ATAD3C: variants seen among roughly 807,000 people sequenced by gnomAD.
ATAD3C encodes ATPase family AAA domain containing 3C.
A neutral mutation model predicts 46.3 loss-of-function variants in ATAD3C; 38 were observed. The observed-to-expected ratio is 0.82, with a 90% CI of 0.63 to 1.08. The LOEUF (loss-of-function observed/expected upper bound fraction) is 1.08, where lower values mean the gene tolerates loss of function less well. Ranked by LOEUF, ATAD3C falls within the 50% of genes least tolerant of loss-of-function variation. The pLI is 0.00. For synonymous variants in ATAD3C, 220 were observed against 236.4 expected (o/e 0.93, Z 0.63); for missense variants, 563 against 572.7 (o/e 0.98, Z 0.17).
At position 1,462,848 on chromosome 1, in the gene ATAD3C, G is replaced by A; in HGVS notation, c.1089+140G>A. 9.2e-7 allele frequency: 1 copy of A among 1,090,886 alleles called. No individual in the cohort carries two copies. Among genetic ancestry groups the A allele is most frequent in the Non-Finnish European group, 1.3e-6 (1 of 769,106 alleles). 67.6% of individuals were successfully genotyped at this position (1,090,886 alleles called of 1,614,324 possible). A position where few individuals can be genotyped will look rare whatever the true frequency, so the allele number is the denominator to read the frequency against. ...TTTCAGTGCACAGATGTGACACGGG[G>A]CCCCTGCCCCAGTTGGGCCACTCCA... On this transcript the variant is annotated intron_variant, in intron 11 of 11. Coordinates refer to ENST00000378785, the MANE Select transcript of ATAD3C (RefSeq NM_001039211.3). The surrounding 1 kb of genome is among the most constrained non-coding windows in gnomAD (Gnocchi z 4.5).
At chr1:1,457,922 T>C (rs11488466) in intron 8 of ATAD3C, among the ~76,000 whole-genome samples, 24,244 of 151,412 alleles carry the variant, frequency 0.16, 4,795 homozygotes, top group East Asian at 0.46. Context: ...GTAATGCCCC[T>C]GCCTCAGCCT....
intron 1 of ATAD3C, 48 bp from the exon 2 acceptor site, chr1:1,451,997 AT>A: frequency 6.2e-7 from 1 of 1,607,030 alleles, no homozygotes; most frequent in African/African-American, 1.3e-5. Flanking sequence ...GGTGTTGAGC[AT>A]TTTTCTGGTT....
intron 1 of ATAD3C, among the ~76,000 whole-genome samples, 169 bp from the exon 2 acceptor site, chr1:1,451,877 G>T (rs368507723): frequency 1.3e-5 from 2 of 151,988 alleles, no homozygotes; most frequent in South Asian, 4.2e-4. Flanking sequence ...AGTGACTGCC[G>T]TCCCGGCCGA....
In ATAD3C at chr1:1,464,597, C is replaced by A. The variant is rs529595213; in HGVS notation, c.1089+1889C>A. On this transcript the variant is annotated intron_variant, in intron 11 of 11. Coordinates refer to ENST00000378785, the MANE Select transcript of ATAD3C (RefSeq NM_001039211.3). Reference sequence around the variant, plus strand: ...ACCAGCCTGGCCAACATGGTGAAACCCCGTCTCTACTAAAAATACGAAACT... The same window carrying A: ...ACCAGCCTGGCCAACATGGTGAAACACCGTCTCTACTAAAAATACGAAACT... Among the ~76,000 whole-genome samples the A allele has an allele frequency of 2.0e-5, 3 of 151,894 alleles. No individual in the cohort carries two copies. The South Asian group carries it at 6.3e-4, about 32-fold the overall frequency.
chr1:1,465,185 G>A (rs572914769), intron 11 of ATAD3C, among the ~76,000 whole-genome samples: 23 of 151,680 alleles, frequency 1.5e-4, no homozygotes, highest in African/African-American at 4.3e-4. Context: ...CACGGAGCCC[G>A]GTCAGTTTTC....
At chr1:1,451,817 G>T (rs1214306078) in intron 1 of ATAD3C, among the ~76,000 whole-genome samples, 4 of 152,054 alleles carry the variant, frequency 2.6e-5, no homozygotes, top group Non-Finnish European at 5.9e-5. Flanking sequence ...AAGCCACAGT[G>T]GGGGCTGTTT....
At chr1:1,466,535 CAAAA>C (rs35433084) in intron 11 of ATAD3C, among the ~76,000 whole-genome samples, 102 of 70,316 alleles carry the variant, frequency 1.5e-3, no homozygotes, top group African/African-American at 4.8e-3. Context: ...GATGTCATCT[CAAAA>C]AAAAAAAAAA....
chr1:1,464,971 C>T (rs1301810226), intron 11 of ATAD3C, among the ~76,000 whole-genome samples: 6 of 151,532 alleles, frequency 4.0e-5, no homozygotes, highest in Non-Finnish European at 7.4e-5. Flanking sequence ...CTGCAACCTC[C>T]GCCTCCCGGG....
rs752809298 is a variant in ATAD3C, at chr1:1,458,052, C to G, written c.741+872C>G. Among the ~76,000 whole-genome samples the G allele has an allele frequency of 3.3e-5, 5 of 152,030 alleles. No individual in the cohort carries two copies. In the East Asian group the frequency reaches 9.6e-4, roughly 29 times the overall value. On this transcript the variant is annotated intron_variant, in intron 8 of 11. Transcript: ENST00000378785. ...GGCTTGCAGTGGCGCAATCTTGGCTCGCTGCAACCTCCGCCTCCTGGGTTC... is the reference window on the plus strand; with the variant it reads ...GGCTTGCAGTGGCGCAATCTTGGCTGGCTGCAACCTCCGCCTCCTGGGTTC...
rs899906649 is a variant in ATAD3C at position 1,452,577 on chromosome 1, T to C, written c.222+143T>C. 10 of 1,375,564 alleles carry C rather than the reference T, an allele frequency of 7.3e-6. No homozygotes were observed. In the African/African-American group the frequency reaches 1.4e-4, roughly 20 times the overall value. The allele number at this position is 1,375,564 out of a possible 1,614,324, so 85.2% of individuals were successfully genotyped here. A position where few individuals can be genotyped will look rare whatever the true frequency, so the allele number is the denominator to read the frequency against. The stretch of plus-strand genomic sequence containing the variant: ...TGGAACAAGCCCAAACTGGACCTGC[T>C]GGTGGGAGCCGCTCCTCCCTCCTTG... On this transcript the variant is annotated intron_variant, in intron 3 of 11. Transcript: ENST00000378785.
chr1:1,461,143 G>A (rs142951385), intron 10 of ATAD3C, among the ~76,000 whole-genome samples: 22 of 152,066 alleles, frequency 1.4e-4, no homozygotes, highest in Non-Finnish European at 2.6e-4. Context: ...GCCTGGTGGC[G>A]TGTCTTCTGG....
Position 1,457,160 on chromosome 1 carries a change from T to C in ATAD3C, c.721T>C (p.Phe241Leu). The part of the protein sequence containing the change: ...LLLFVDEADA[F>L]LRKRATEKIS... ...GCTCTTTGTGGATGAAGCGGACGCC[T>C]TCCTTCGGAAGCGAGCCACTGTGAG... The change falls in exon 8 of 12, where the codon TTC becomes CTC. Residue 241 changes from phenylalanine (F) to leucine (L), a missense_variant. By Grantham distance (22) the Phe-to-Leu change is conservative. Coordinates refer to ENST00000378785, the MANE Select transcript of ATAD3C (RefSeq NM_001039211.3). 6.2e-7 allele frequency: 1 copy of C among 1,613,468 alleles called. No homozygotes were observed. The highest frequency in any genetic ancestry group is 2.2e-5 in the East Asian group (1 of 44,876).
At chr1:1,457,098 T>C (rs1638974865) in intron 7 of ATAD3C, 31 bp from the exon 8 acceptor site, 1 of 1,612,606 alleles carries the variant, frequency 6.2e-7, no homozygotes. Flanking sequence ...GGCATCACTC[T>C]CACCCAGCTT....
chr1:1,464,873 A>G (rs1639122412), intron 11 of ATAD3C, among the ~76,000 whole-genome samples: 1 of 151,896 alleles, frequency 6.6e-6, no homozygotes, highest in Non-Finnish European at 1.5e-5. Context: ...TCTCTCAGCA[A>G]TATTGTGTGG....
rs869128031 is a variant in ATAD3C, at chr1:1,469,677, GTT to G, written c.*1162_*1163del. 13 of 130,116 alleles carry G rather than the reference GTT, an allele frequency of 1.0e-4. No individual in the cohort carries two copies. Among genetic ancestry groups the G allele is most frequent in the Non-Finnish European group, 1.3e-4 (8 of 60,414 alleles). 8.1% of individuals were successfully genotyped at this position (130,116 alleles called of 1,614,324 possible). Reference sequence around the variant, plus strand: ...AGGCTTGAGCCACCGTGCCTGGTCTGTTTTTTTTTTTTTTTTGGCAATAGAGT... The same window carrying G: ...AGGCTTGAGCCACCGTGCCTGGTCTGTTTTTTTTTTTTTTGGCAATAGAGT... On this transcript the variant is annotated 3_prime_UTR_variant, in exon 12 of 12. Transcript: ENST00000378785.
At position 1,460,857 on chromosome 1, in the gene ATAD3C, C is replaced by T. The variant is rs760453648; in HGVS notation, c.920C>T (p.Ala307Val). The T allele has an allele frequency of 1.8e-5, 29 of 1,612,988 alleles. 1 individual carries two copies. The highest frequency in any genetic ancestry group is 1.6e-4 in the Middle Eastern group (1 of 6,076). Reference sequence around the variant, plus strand: ...GACCTGCCAGGGCAGGAGGAGCGGGCGCGCCTGGTGAGAATGTATCTTAAC... The same window carrying T: ...GACCTGCCAGGGCAGGAGGAGCGGGTGCGCCTGGTGAGAATGTATCTTAAC... ...HFDLPGQEER[A>V]RLVRMYLNEY... Residue 307 changes from alanine to valine, a missense_variant, in exon 10 of 12, where the codon GCG (alanine) becomes GTG (valine). Ala to Val is a moderately conservative substitution (Grantham distance 64, BLOSUM62 0). Transcript: ENST00000378785.
rs144921285 is a variant in ATAD3C, at chr1:1,462,137, C to G, written c.981-463C>G. Among the ~76,000 whole-genome samples the G allele has an allele frequency of 0.011, 1,723 of 152,144 alleles. 46 individuals carry two copies. The highest frequency in any genetic ancestry group is 0.039 in the African/African-American group (1,639 of 41,544). The stretch of plus-strand genomic sequence containing the variant: ...TCTGTTCCAAAGAGAGCCTGGTTCT[C>G]CCCTGCCGACCCCTCCACTGCCGCC... On this transcript the variant is annotated intron_variant, in intron 10 of 11. Coordinates refer to ENST00000378785, the MANE Select transcript of ATAD3C (RefSeq NM_001039211.3). The surrounding 1 kb of genome is among the most constrained non-coding windows in gnomAD (Gnocchi z 4.5).
chr1:1,464,034 C>G lies in ATAD3C; in HGVS notation c.1089+1326C>G, dbSNP rs1454127885. Reference sequence around the variant, plus strand: ...AGCCTGGCCAACATGTCGAACTCCACCTCTACTAAAAATACAAAAATTGGT... The same window carrying G: ...AGCCTGGCCAACATGTCGAACTCCAGCTCTACTAAAAATACAAAAATTGGT... On this transcript the variant is annotated intron_variant, in intron 11 of 11. Coordinates refer to ENST00000378785, the MANE Select transcript of ATAD3C (RefSeq NM_001039211.3). 2.0e-5 allele frequency among the ~76,000 whole-genome samples: 3 copies of G among 150,170 alleles called. 1 individual carries two copies. Among genetic ancestry groups the G allele is most frequent in the Non-Finnish European group, 4.5e-5 (3 of 67,312 alleles).
In ATAD3C at chr1:1,451,969, G is replaced by C. The variant is rs532640633; in HGVS notation, c.76-77G>C. 2.4e-4 allele frequency: 383 copies of C among 1,574,324 alleles called. 7 individuals are homozygous for C. Among genetic ancestry groups the C allele is most frequent in the Non-Finnish European group, 3.0e-4 (353 of 1,157,628 alleles). On this transcript the variant is annotated intron_variant, in intron 1 of 11. Transcript: ENST00000378785. ...GCTTGGAGCCCTGCGGTCCTGGGGC[G>C]GACGCAACCTCTGGATTGGTGTTGA...
Sources: allele counts gnomAD v4.1 joint callset (sites outside exome capture counted in the v4.1 genomes callset), GRCh38; gene constraint gnomAD v4.1.1; non-coding constraint Gnocchi (gnomAD v3.1); transcripts MANE v1.5; gene names NCBI Gene and HGNC (gene_info 2026-07-23, HGNC 2026-07-21).